The following MYO1D variants were observed in gnomAD, a reference collection of about 807,000 sequenced individuals.
MYO1D encodes myosin ID.
MYO1D carries 83 observed loss-of-function variants against 122.0 expected under a neutral mutation model. That is an observed-to-expected ratio of 0.68 (90% confidence interval 0.57 to 0.82). MYO1D has a LOEUF of 0.82. Among genes scored for constraint, MYO1D ranks in the 40% least tolerant of loss-of-function variants. The pLI is 0.00. For synonymous variants in MYO1D, 464 were observed against 446.9 expected (o/e 1.04, Z -0.48); for missense variants, 1,157 against 1,269.5 (o/e 0.91, Z 1.35).
At chr17:32,691,886 C>T (rs1410086292) in intron 16 of MYO1D, among the ~76,000 whole-genome samples, 1 of 152,148 alleles carries the variant, frequency 6.6e-6, no homozygotes, top group Non-Finnish European at 1.5e-5. Context: ...CAGTAGTGTA[C>T]ATCCTTAGCA....
At chr17:32,655,063 C>T (rs1186572722) in intron 17 of MYO1D, among the ~76,000 whole-genome samples, 1 of 152,158 alleles carries the variant, frequency 6.6e-6, no homozygotes, top group African/African-American at 2.4e-5. Context: ...AAAATGCCTC[C>T]AAAATACACA....
chr17:32,766,631 A>C (rs1214017136), intron 7 of MYO1D, among the ~76,000 whole-genome samples: 10 of 152,096 alleles, frequency 6.6e-5, no homozygotes, highest in Admixed American at 5.9e-4. Context: ...TCTCTACTAA[A>C]AATAAAAAAA....
At chr17:32,708,786 T>C (rs2089339385) in intron 16 of MYO1D, among the ~76,000 whole-genome samples, 1 of 152,216 alleles carries the variant, frequency 6.6e-6, no homozygotes, top group South Asian at 2.1e-4. Context: ...CAGAGAAGAC[T>C]GGACAGCTTT....
At chr17:32,779,725 A>G (rs918024119) in intron 2 of MYO1D, among the ~76,000 whole-genome samples, 2 of 152,184 alleles carry the variant, frequency 1.3e-5, no homozygotes, top group Admixed American at 1.3e-4. Context: ...TAAATAAAAC[A>G]TAGTCCTAGG....
chr17:32,798,536 G>A (rs2090436642), intron 1 of MYO1D, among the ~76,000 whole-genome samples: 1 of 152,136 alleles, frequency 6.6e-6, no homozygotes, highest in Non-Finnish European at 1.5e-5. Context: ...GGAGGCACGT[G>A]GAACTTCTAC....
At chr17:32,515,212 C>T (rs1330178158) in intron 21 of MYO1D, among the ~76,000 whole-genome samples, 1 of 152,144 alleles carries the variant, frequency 6.6e-6, no homozygotes, top group East Asian at 1.9e-4. Flanking sequence ...TCCCTGACCA[C>T]GGATATTCCC....
intron 8 of MYO1D, among the ~76,000 whole-genome samples, chr17:32,763,300 GA>G (rs1285733657): frequency 1.3e-5 from 2 of 151,734 alleles, no homozygotes; most frequent in Non-Finnish European, 2.9e-5. Context: ...CCAAGCCTAA[GA>G]CTTACAAGAG....
chr17:32,834,235 T>C (rs2090800294), intron 1 of MYO1D, among the ~76,000 whole-genome samples: 1 of 152,204 alleles, frequency 6.6e-6, no homozygotes, highest in Admixed American at 6.5e-5. Flanking sequence ...GTCATCAAAT[T>C]AGTAGAACAC....
intron 21 of MYO1D, among the ~76,000 whole-genome samples, chr17:32,589,849 C>T (rs1177565540): frequency 6.6e-6 from 1 of 152,160 alleles, no homozygotes; most frequent in African/African-American, 2.4e-5. Context: ...GTTTTTACTC[C>T]ATGAGGATTT....
intron 21 of MYO1D, among the ~76,000 whole-genome samples, chr17:32,545,990 C>A (rs879134570): frequency 6.6e-6 from 1 of 152,012 alleles, no homozygotes; most frequent in Admixed American, 6.6e-5. Flanking sequence ...GGGTTTGAAC[C>A]AGGGAAAGCT....
intron 17 of MYO1D, among the ~76,000 whole-genome samples, chr17:32,655,515 G>A (rs939796395): frequency 7.9e-5 from 12 of 152,304 alleles, no homozygotes; most frequent in Admixed American, 5.9e-4. Flanking sequence ...GGATAGATGA[G>A]CAGAGACCTA....
chr17:32,684,827 G>A (rs2088982688), intron 16 of MYO1D, among the ~76,000 whole-genome samples: 1 of 152,168 alleles, frequency 6.6e-6, no homozygotes, highest in African/African-American at 2.4e-5. Flanking sequence ...TGAACAACTT[G>A]ATGCATGAAA....
intron 1 of MYO1D, among the ~76,000 whole-genome samples, chr17:32,795,978 C>G (rs2090412211): frequency 6.6e-6 from 1 of 152,100 alleles, no homozygotes; most frequent in Admixed American, 6.5e-5. Context: ...TTAGCGCGCT[C>G]TCGGGGTTCG....
chr17:32,691,404 C>CT (rs57902806), intron 16 of MYO1D, among the ~76,000 whole-genome samples: 5,704 of 110,408 alleles, frequency 0.052, 476 homozygotes, highest in African/African-American at 0.16. Flanking sequence ...AAAGAAAATT[C>CT]TTTTTTTTTT....
intron 1 of MYO1D, among the ~76,000 whole-genome samples, chr17:32,789,335 GT>G (rs1219512797): frequency 6.6e-6 from 1 of 152,078 alleles, no homozygotes; most frequent in African/African-American, 2.4e-5. Context: ...GGGCATTCTT[GT>G]TTTGTTCTAG....
At chr17:32,674,734 C>T (rs770221360) in intron 16 of MYO1D, among the ~76,000 whole-genome samples, 1 of 152,134 alleles carries the variant, frequency 6.6e-6, no homozygotes. Context: ...GAAACGTAAT[C>T]CATGTTTCCA....
chr17:32,633,204 G>T (rs2088046512), intron 20 of MYO1D, among the ~76,000 whole-genome samples: 1 of 147,940 alleles, frequency 6.8e-6, no homozygotes, highest in Non-Finnish European at 1.5e-5. Context: ...CAACTAAAAA[G>T]GCTAGAAAAA....
chr17:32,694,497 C>T (rs1406946514), intron 16 of MYO1D, among the ~76,000 whole-genome samples: 3 of 151,896 alleles, frequency 2.0e-5, no homozygotes, highest in Non-Finnish European at 4.4e-5. Context: ...GTCAGGAGAT[C>T]GAGACCATCC....
intron 21 of MYO1D, among the ~76,000 whole-genome samples, chr17:32,532,222 A>AT (rs2150873541): frequency 6.6e-6 from 1 of 152,266 alleles, no homozygotes; most frequent in African/African-American, 2.4e-5. Flanking sequence ...TTATTTTCTG[A>AT]TTTGCACCTT....
Sources: gnomAD v4.1 joint callset for allele counts (sites outside exome capture counted in the v4.1 genomes callset) on GRCh38, gnomAD v4.1.1 for gene constraint, MANE v1.5 for transcripts, NCBI Gene and HGNC (gene_info 2026-07-23, HGNC 2026-07-21) for gene names.